The following TLE4 variants were observed in gnomAD, a reference collection of about 807,000 sequenced individuals.
TLE4 encodes TLE family member 4, transcriptional corepressor.
TLE4 carries 8 observed loss-of-function variants against 92.8 expected under a neutral mutation model. That is an observed-to-expected ratio of 0.09 (90% CI 0.05 to 0.16). TLE4 has a LOEUF of 0.16. Ranked by LOEUF, TLE4 falls within the 10% of genes least tolerant of loss-of-function variation. The probability of loss-of-function intolerance (pLI) is 1.00; values close to 1 mark genes in which losing one functional copy is unlikely to be tolerated. For missense variants in TLE4, 675 were observed against 997.6 expected (o/e 0.68, Z 4.36); for synonymous variants, 371 against 374.1 (o/e 0.99, Z 0.10).
intron 4 of TLE4, among the ~76,000 whole-genome samples, chr9:79,600,045 G>C (rs2132607774): frequency 6.6e-6 from 1 of 152,308 alleles, no homozygotes; most frequent in Non-Finnish European, 1.5e-5. Flanking sequence ...ATAGTAAGTA[G>C]ATATTTAATA....
rs1565251001 is a variant in TLE4, at chr9:79,725,528, C to T, written c.*384C>T. Reference sequence around the variant, plus strand: ...AGGTGCGTTGTATTTGATACCCCTCCCCCCCTTTTTTTGGCAAAGGAGGGG... The same window carrying T: ...AGGTGCGTTGTATTTGATACCCCTCTCCCCCTTTTTTTGGCAAAGGAGGGG... On this transcript the variant is annotated 3_prime_UTR_variant, in exon 20 of 20. Coordinates refer to ENST00000376552, the MANE Select transcript of TLE4 (RefSeq NM_007005.6). The T allele has an allele frequency of 1.8e-5, 3 of 163,546 alleles. No homozygotes were observed. In the South Asian group the frequency reaches 5.0e-4, roughly 27 times the overall value. 10.1% of individuals were successfully genotyped at this position (163,546 alleles called of 1,614,324 possible).
intron 4 of TLE4, among the ~76,000 whole-genome samples, chr9:79,596,308 T>C (rs2044001000): frequency 1.3e-5 from 2 of 152,272 alleles, no homozygotes; most frequent in Admixed American, 1.3e-4. Flanking sequence ...TTTACTACTA[T>C]ATATAAAATT....
intron 8 of TLE4, chr9:79,671,438 T>C (rs2062336672): frequency 3.0e-5 from 10 of 330,650 alleles, no homozygotes; most frequent in South Asian, 2.1e-4. Flanking sequence ...TTTATTTTCG[T>C]GTCAGATTAT....
intron 8 of TLE4, among the ~76,000 whole-genome samples, chr9:79,654,864 C>T (rs1443585265): frequency 6.6e-6 from 1 of 152,180 alleles, no homozygotes; most frequent in East Asian, 1.9e-4. Context: ...CCATTGTAGG[C>T]CGGGCTTGGT....
chr9:79,721,787 A>G lies in TLE4; in HGVS notation c.1885A>G (p.Asn629Asp). ...TDGASCIDISNDGTKLWTGGL... is the reference protein window; with the variant it reads ...TDGASCIDISDDGTKLWTGGL... ...TGGAGCCAGCTGTATTGACATTTCT[A>G]ATGATGGCACCAAGCTCTGGACAGG... Residue 629 changes from asparagine (N) to aspartate (D), a missense_variant, in exon 17 of 20, where the codon AAT becomes GAT. Around this residue, in one of 5 missense-constraint regions of TLE4, gnomAD observed 170 missense variants for 359.6 expected, o/e 0.47. Coordinates refer to ENST00000376552, the MANE Select transcript of TLE4 (RefSeq NM_007005.6). 2 of 1,614,212 alleles carry G rather than the reference A, an allele frequency of 1.2e-6. No homozygotes were observed. Among genetic ancestry groups the G allele is most frequent in the Middle Eastern group, 1.6e-4 (1 of 6,062 alleles).
chr9:79,648,248 C>T (rs998401680), intron 6 of TLE4, among the ~76,000 whole-genome samples: 5 of 152,096 alleles, frequency 3.3e-5, no homozygotes, highest in Admixed American at 1.3e-4. Context: ...ATTGAGTTCT[C>T]GCTATGTTTA....
chr9:79,644,869 C>T (rs752370892), intron 6 of TLE4, among the ~76,000 whole-genome samples: 2 of 152,278 alleles, frequency 1.3e-5, no homozygotes, highest in South Asian at 2.1e-4. Flanking sequence ...GCGAGCAGCT[C>T]ACAGCTTGGC....
intron 6 of TLE4, among the ~76,000 whole-genome samples, chr9:79,637,161 T>G (rs2056069992): frequency 8.9e-6 from 1 of 112,136 alleles, no homozygotes; most frequent in Non-Finnish European, 1.8e-5. Flanking sequence ...ATAGTTATTT[T>G]TCTAGGTTTA....
intron 8 of TLE4, among the ~76,000 whole-genome samples, chr9:79,680,098 A>C (rs578188813): frequency 6.6e-6 from 1 of 151,846 alleles, no homozygotes; most frequent in Admixed American, 6.6e-5. Flanking sequence ...TTCGTGATGC[A>C]GGCTCTTTTT....
rs555530478 is a variant in TLE4, at chr9:79,645,009, C to T, written c.391-7584C>T. Among the ~76,000 whole-genome samples, 111 of 152,154 alleles carry T rather than the reference C, an allele frequency of 7.3e-4. 2 individuals carry two copies. Among genetic ancestry groups the T allele is most frequent in the Non-Finnish European group, 1.4e-3 (98 of 68,040 alleles). On this transcript the variant is annotated intron_variant, in intron 6 of 19. Transcript: ENST00000376552. The stretch of plus-strand genomic sequence containing the variant: ...GGCCCCAGAGTGCCCTACATCTTCA[C>T]CTATTTTCTTGGGGTACCAAAAACT...
intron 8 of TLE4, chr9:79,671,533 C>T: frequency 3.7e-6 from 1 of 272,632 alleles, no homozygotes; most frequent in South Asian, 3.7e-5. Context: ...GGAGTATACC[C>T]AACAGATGCT....
intron 13 of TLE4, 30 bp downstream of exon 13, chr9:79,708,816 T>G (rs1376208856): frequency 1.3e-6 from 2 of 1,582,246 alleles, no homozygotes; most frequent in African/African-American, 1.3e-5. Flanking sequence ...AAATAATATT[T>G]TAGCACACGG....
At chr9:79,674,792 C>G (rs1182854493) in intron 8 of TLE4, among the ~76,000 whole-genome samples, 1 of 152,020 alleles carries the variant, frequency 6.6e-6, no homozygotes, top group African/African-American at 2.4e-5. Flanking sequence ...TCACACAGTC[C>G]CGTGCGTGTT....
intron 4 of TLE4, among the ~76,000 whole-genome samples, chr9:79,585,440 A>G (rs901105535): frequency 6.6e-6 from 1 of 152,106 alleles, no homozygotes; most frequent in Non-Finnish European, 1.5e-5. Flanking sequence ...CATACTTACT[A>G]CCTTCCCCCA....
chr9:79,606,184 GTTGTTTTTTTTTTTTTTTT>G (rs2046825639), intron 4 of TLE4, among the ~76,000 whole-genome samples: 1 of 18,374 alleles, frequency 5.4e-5, no homozygotes, highest in African/African-American at 1.6e-4. Flanking sequence ...AGCAGTAGTA[GTTGTTTTTTTTTTTTTTTT>G]TTTTTTTTTT....
chr9:79,576,059 T>TG (rs1313840629), intron 3 of TLE4, 74 bp from the exon 4 acceptor site: 6 of 1,018,754 alleles, frequency 5.9e-6, no homozygotes, highest in Non-Finnish European at 6.8e-6. Flanking sequence ...CAGATTTACT[T>TG]GGGGCATTTT....
At chr9:79,629,134 C>T (rs1244488146) in intron 6 of TLE4, among the ~76,000 whole-genome samples, 3 of 152,094 alleles carry the variant, frequency 2.0e-5, no homozygotes, top group Non-Finnish European at 2.9e-5. Flanking sequence ...GTATGAATGG[C>T]TGAAATACAG....
At chr9:79,623,699 G>GT (rs35464327) in intron 5 of TLE4, among the ~76,000 whole-genome samples, 88,398 of 137,240 alleles carry the variant, frequency 0.64, 29,107 homozygotes, top group East Asian at 0.76. Context: ...CAATCTAAGG[G>GT]TTTTTTTTTT....
intron 4 of TLE4, among the ~76,000 whole-genome samples, chr9:79,580,967 A>T (rs934579858): frequency 6.6e-6 from 1 of 152,186 alleles, no homozygotes; most frequent in African/African-American, 2.4e-5. Context: ...AGATACAATT[A>T]TAAGACTATG....
Sources: allele counts gnomAD v4.1 joint callset (sites outside exome capture counted in the v4.1 genomes callset), GRCh38; gene constraint gnomAD v4.1.1; regional missense constraint gnomAD v4.1.1; transcripts MANE v1.5; gene names NCBI Gene and HGNC (gene_info 2026-07-23, HGNC 2026-07-21).